The following ITGA11 variants were observed in gnomAD, a reference collection of about 807,000 sequenced individuals.
The protein encoded by ITGA11 is integrin alpha-11.
In ITGA11, 97 loss-of-function variants were observed where a neutral mutation model predicts 141.9. The observed-to-expected ratio is 0.68, with a 90% CI of 0.58 to 0.81. The LOEUF is 0.81. Among genes scored for constraint, ITGA11 ranks in the 30% least tolerant of loss-of-function variants. The pLI is 0.00. For missense variants in ITGA11, 1,387 were observed against 1,559.2 expected (o/e 0.89, Z 1.86); for synonymous variants, 658 against 624.6 (o/e 1.05, Z -0.80).
In ITGA11 at chr15:68,380,117, A is replaced by G. The variant is rs545249230; in HGVS notation, c.165-10833T>C. Reference sequence around the variant, plus strand: ...AAAGCAAGGCCCAGAGAATGTCAGGATTGGCCCCAAATCACGTGGTCAGGT... The same window carrying G: ...AAAGCAAGGCCCAGAGAATGTCAGGGTTGGCCCCAAATCACGTGGTCAGGT... On this transcript the variant is annotated intron_variant, in intron 2 of 29. Transcript: ENST00000315757. Among the ~76,000 whole-genome samples, 8 of 152,296 alleles carry G rather than the reference A, an allele frequency of 5.3e-5. No individual in the cohort carries two copies. The South Asian group carries it at 1.7e-3, about 32-fold the overall frequency.
At position 68,302,137 on chromosome 15, in the gene ITGA11, G is replaced by A. The variant is rs1002345233; in HGVS notation, c.*922C>T. ...GTGTAGGGAGGGGGTGATACAGGGA[G>A]GGGAGGCTCCCTACCCCTACCCCTG... On this transcript the variant is annotated 3_prime_UTR_variant, in exon 30 of 30. Coordinates refer to ENST00000315757, the MANE Select transcript of ITGA11 (RefSeq NM_001004439.2). The A allele has an allele frequency of 2.0e-5, 3 of 152,406 alleles. No homozygotes were observed. The Admixed American group carries it at 2.0e-4, about 10-fold the overall frequency. The allele number at this position is 152,406 out of a possible 1,614,324, so 9.4% of individuals were successfully genotyped here.
intron 1 of ITGA11, among the ~76,000 whole-genome samples, chr15:68,406,148 T>A (rs981382748): frequency 6.6e-6 from 1 of 152,142 alleles, no homozygotes; most frequent in Non-Finnish European, 1.5e-5. Context: ...TTTGGGGCCT[T>A]GTCCACCCCA....
chr15:68,417,943 G>C (rs1014652560), intron 1 of ITGA11, among the ~76,000 whole-genome samples: 1 of 152,192 alleles, frequency 6.6e-6, no homozygotes, highest in Non-Finnish European at 1.5e-5. Flanking sequence ...AGAGCTGTTT[G>C]CCTACTTGGA....
At chr15:68,312,328 T>C (rs963870945) in intron 24 of ITGA11, among the ~76,000 whole-genome samples, 1 of 152,190 alleles carries the variant, frequency 6.6e-6, no homozygotes, top group African/African-American at 2.4e-5. Flanking sequence ...TCCTCCTTCC[T>C]GCTGCCTGGA....
Position 68,307,377 on chromosome 15 carries a change from T to A in ITGA11, c.3352A>T (p.Ile1118Phe). The A allele has an allele frequency of 6.4e-7, 1 of 1,557,762 alleles. No homozygotes were observed. Among genetic ancestry groups the A allele is most frequent in the East Asian group, 2.4e-5 (1 of 41,496 alleles). The stretch of plus-strand genomic sequence containing the variant: ...CGGCTGGGATCCTCCTCACGGAAGA[T>A]GAAGGGGCTGTGGAACTGCCTCTGC... ...ALQRQFHSPF[I>F]FREEDPSRQI... Residue 1118 changes from isoleucine (I) to phenylalanine (F), a missense_variant, in exon 28 of 30, where the codon ATC (isoleucine) becomes TTC (phenylalanine). Ile to Phe is a conservative substitution (Grantham distance 21, BLOSUM62 0). Transcript: ENST00000315757. This position sits in a 1 kb window ranked among gnomAD's most constrained non-coding sequence, Gnocchi z 6.1.
chr15:68,306,640 A>G (rs1893206907), intron 28 of ITGA11, among the ~76,000 whole-genome samples: 1 of 152,206 alleles, frequency 6.6e-6, no homozygotes. Context: ...CCTTAGGTGG[A>G]TCCTGATACC....
chr15:68,415,816 T>C (rs1166021647), intron 1 of ITGA11, among the ~76,000 whole-genome samples: 3 of 152,250 alleles, frequency 2.0e-5, no homozygotes, highest in Admixed American at 6.5e-5. Context: ...GCTGAGAGTC[T>C]TGAAGATTCA....
intron 1 of ITGA11, among the ~76,000 whole-genome samples, chr15:68,420,211 T>C (rs1474526846): frequency 6.6e-6 from 1 of 152,220 alleles, no homozygotes; most frequent in Non-Finnish European, 1.5e-5. Context: ...TTGTGGGAAA[T>C]GAGGCATTTA....
At chr15:68,357,411 G>C (rs1895105423) in intron 6 of ITGA11, 112 bp from the exon 7 acceptor site, 8 of 1,262,520 alleles carry the variant, frequency 6.3e-6, no homozygotes, top group Admixed American at 2.5e-5. Context: ...ATACAGGAGG[G>C]AGGAGGGCTG....
In ITGA11 at chr15:68,324,636, G is replaced by A. The variant is rs957157010; in HGVS notation, c.2322+495C>T. On this transcript the variant is annotated intron_variant, in intron 18 of 29. Transcript: ENST00000315757. This position sits in a 1 kb window ranked among gnomAD's most constrained non-coding sequence, Gnocchi z 6.3. ...GAAAATGTGGCTGAGGGATGGGGCC[G>A]CTTCTTTTTGGAATGCTTAGGACCG... Among the ~76,000 whole-genome samples, 13 of 152,006 alleles carry A rather than the reference G, an allele frequency of 8.6e-5. No individual in the cohort carries two copies. Among genetic ancestry groups the A allele is most frequent in the African/African-American group, 2.4e-4 (10 of 41,386 alleles).
At position 68,402,962 on chromosome 15, in the gene ITGA11, G is replaced by A; in HGVS notation, c.120C>T (p.Phe40=). ...CGTGCTGCTGCACTGTGTAGCCAAA[G>A]AAGGCGGTCCTGGAGCCAGGGATGA... ...PRVIPGSRTA[F]FGYTVQQHDI... Residue 40 remains phenylalanine (F), a synonymous_variant, in exon 2 of 30, where the codon TTC becomes TTT. Coordinates refer to ENST00000315757, the MANE Select transcript of ITGA11 (RefSeq NM_001004439.2). 1 of 1,613,876 alleles carries A rather than the reference G, an allele frequency of 6.2e-7. No individual in the cohort carries two copies. The highest frequency in any genetic ancestry group is 1.1e-5 in the South Asian group (1 of 91,046).
At position 68,384,443 on chromosome 15, in the gene ITGA11, C is replaced by A. The variant is rs116095813; in HGVS notation, c.165-15159G>T. Among the ~76,000 whole-genome samples, 195 of 152,232 alleles carry A rather than the reference C, an allele frequency of 1.3e-3. 1 individual carries two copies. Among genetic ancestry groups the A allele is most frequent in the African/African-American group, 4.5e-3 (189 of 41,540 alleles). On this transcript the variant is annotated intron_variant, in intron 2 of 29. Transcript: ENST00000315757. ...CTCTCCTTGGTCATTCTCACTGCTGCTTTGTGCATTTGAGGGCCTGAAGAT... is the reference window on the plus strand; with the variant it reads ...CTCTCCTTGGTCATTCTCACTGCTGATTTGTGCATTTGAGGGCCTGAAGAT...
At chr15:68,416,190 C>T (rs1896882570) in intron 1 of ITGA11, among the ~76,000 whole-genome samples, 1 of 152,232 alleles carries the variant, frequency 6.6e-6, no homozygotes, top group Non-Finnish European at 1.5e-5. Flanking sequence ...CTTATCACAA[C>T]AGCCTCCCCT....
intron 10 of ITGA11, 28 bp from the exon 11 acceptor site, chr15:68,339,672 G>A: frequency 6.2e-7 from 1 of 1,611,898 alleles, no homozygotes; most frequent in Non-Finnish European, 8.5e-7. Flanking sequence ...ACACACATCA[G>A]CACCTGTCCT....
intron 24 of ITGA11, among the ~76,000 whole-genome samples, chr15:68,312,152 C>T (rs552582657): frequency 6.6e-6 from 1 of 152,382 alleles, no homozygotes; most frequent in Admixed American, 6.5e-5. Context: ...TGCCTCCTAA[C>T]TCTCATTCTC....
intron 1 of ITGA11, among the ~76,000 whole-genome samples, chr15:68,411,063 C>T (rs1280537297): frequency 6.6e-6 from 1 of 152,206 alleles, no homozygotes; most frequent in Non-Finnish European, 1.5e-5. Context: ...TGTGAGCATC[C>T]CATGAGCAGC....
rs190424121 is a variant in ITGA11 at position 68,359,226 on chromosome 15, T to G, written c.473-641A>C. On this transcript the variant is annotated intron_variant, in intron 5 of 29. Transcript: ENST00000315757. ...ATCTGAACTGATCATGGTTTCACTT[T>G]TTATTTATTTATTTATTTTTTAAGG... Among the ~76,000 whole-genome samples the G allele has an allele frequency of 1.9e-3, 284 of 146,328 alleles. 1 individual carries two copies. Among genetic ancestry groups the G allele is most frequent in the African/African-American group, 7.6e-3 (275 of 36,262 alleles).
intron 20 of ITGA11, 54 bp downstream of exon 20, chr15:68,320,131 T>G: frequency 1.3e-6 from 2 of 1,532,258 alleles, no homozygotes; most frequent in South Asian, 1.1e-5. Flanking sequence ...CACCTGGCCT[T>G]CCTTTTCCTC....
chr15:68,379,941 C>G (rs1595884829), intron 2 of ITGA11, among the ~76,000 whole-genome samples: 1 of 152,334 alleles, frequency 6.6e-6, no homozygotes, highest in East Asian at 1.9e-4. Context: ...TTCCTGCTCT[C>G]TGATCTGGGC....
Sources: allele counts gnomAD v4.1 joint callset (sites outside exome capture counted in the v4.1 genomes callset), GRCh38; gene constraint gnomAD v4.1.1; non-coding constraint Gnocchi (gnomAD v3.1); transcripts MANE v1.5; gene names NCBI Gene and HGNC (gene_info 2026-07-23, HGNC 2026-07-21).